ANKS1B: variants seen among roughly 807,000 people sequenced by gnomAD.
ANKS1B encodes the protein ankyrin repeat and sterile alpha motif domain-containing protein 1B.
Under a neutral mutation model 148.3 loss-of-function variants are expected in ANKS1B, and 36 were observed. The observed-to-expected ratio is 0.24, with a 90% CI of 0.19 to 0.32. ANKS1B has a LOEUF of 0.32. Ranked by LOEUF, ANKS1B falls within the 10% of genes least tolerant of loss-of-function variation. The pLI is 1.00. For missense variants in ANKS1B, 1,157 were observed against 1,542.6 expected, an observed-to-expected ratio of 0.75 and a Z score of 4.19; for synonymous variants, 542 against 560.8, an observed-to-expected ratio of 0.97 and a Z score of 0.47.
At chr12:99,647,078 T>A (rs1009845034) in intron 9 of ANKS1B, among the ~76,000 whole-genome samples, 1 of 151,718 alleles carries the variant, frequency 6.6e-6, no homozygotes, top group South Asian at 2.1e-4. Flanking sequence ...AAAAAGAAAA[T>A]GAAAATTATA....
At position 99,246,308 on chromosome 12, in the gene ANKS1B, T is replaced by A. The variant is rs780138504; in HGVS notation, c.2313A>T (p.Glu771Asp). Residue 771 changes from glutamate to aspartate, a missense_variant, in exon 13 of 27, where the codon GAA (glutamate) becomes GAT (aspartate). Transcript: ENST00000683438. ...TAEHSSKGNS[E>D]RTPSFTSEWE... ...ATTCCGATGTGAAGGATGGTGTTCTTTCAGAATTCCCTTTAGAACTGTGTT... is the reference window on the plus strand; with the variant it reads ...ATTCCGATGTGAAGGATGGTGTTCTATCAGAATTCCCTTTAGAACTGTGTT... 2 of 1,602,212 alleles carry A rather than the reference T, an allele frequency of 1.2e-6. No individual in the cohort carries two copies. The highest frequency in any genetic ancestry group is 2.2e-5 in the South Asian group (2 of 88,952).
intron 16 of ANKS1B, among the ~76,000 whole-genome samples, chr12:99,068,022 G>A (rs535234909): frequency 3.3e-5 from 5 of 151,948 alleles, no homozygotes; most frequent in South Asian, 2.1e-4. Context: ...AGTTTTAGTA[G>A]TTATTATTTA....
chr12:99,286,447 A>G (rs1288027720), intron 12 of ANKS1B, among the ~76,000 whole-genome samples: 1 of 152,060 alleles, frequency 6.6e-6, no homozygotes, highest in Non-Finnish European at 1.5e-5. Context: ...ACCCAGGGCC[A>G]CACTGGCTTT....
intron 14 of ANKS1B, among the ~76,000 whole-genome samples, chr12:99,220,456 T>C (rs1566663370): frequency 1.4e-5 from 2 of 147,040 alleles, no homozygotes; most frequent in Admixed American, 1.4e-4. Flanking sequence ...TTTCTTTTTT[T>C]TTTTTTTTTT....
intron 1 of ANKS1B, among the ~76,000 whole-genome samples, chr12:99,834,242 A>G (rs1226722128): frequency 6.6e-6 from 1 of 152,192 alleles, no homozygotes; most frequent in African/African-American, 2.4e-5. Flanking sequence ...AAAATGCAAG[A>G]GTTTCTAGAC....
At chr12:98,868,567 C>T (rs2099637305) in intron 17 of ANKS1B, among the ~76,000 whole-genome samples, 1 of 152,190 alleles carries the variant, frequency 6.6e-6, no homozygotes, top group South Asian at 2.1e-4. Context: ...TGACGAATTG[C>T]CCCCTTTAAA....
At chr12:99,622,065 G>C (rs2098059408) in intron 9 of ANKS1B, among the ~76,000 whole-genome samples, 1 of 151,922 alleles carries the variant, frequency 6.6e-6, no homozygotes, top group Non-Finnish European at 1.5e-5. Context: ...CCATGGACCA[G>C]AGTGGAACAA....
At chr12:98,800,675 G>GATATATATATATAT (rs3049844) in intron 21 of ANKS1B, among the ~76,000 whole-genome samples, 3,416 of 99,584 alleles carry the variant, frequency 0.034, 301 homozygotes, top group African/African-American at 0.05. Flanking sequence ...AGTGAGCAGA[G>GATATATATATATAT]ATATATATAT....
intron 15 of ANKS1B, among the ~76,000 whole-genome samples, chr12:99,149,617 T>G (rs2074291143): frequency 6.6e-6 from 1 of 152,156 alleles, no homozygotes; most frequent in Admixed American, 6.5e-5. Context: ...TCTTCTCCCA[T>G]TTTGATTAGT....
At chr12:98,746,870 A>G (rs2097906284) in intron 26 of ANKS1B, among the ~76,000 whole-genome samples, 1 of 152,226 alleles carries the variant, frequency 6.6e-6, no homozygotes, top group South Asian at 2.1e-4. Flanking sequence ...AATCTATACA[A>G]CAGAATGAAA....
intron 20 of ANKS1B, among the ~76,000 whole-genome samples, chr12:98,803,717 G>A (rs1481096364): frequency 1.3e-5 from 2 of 152,206 alleles, no homozygotes; most frequent in African/African-American, 4.8e-5. Context: ...GGCTGGGGGT[G>A]GGAATGAGTT....
rs185612716 is a variant in ANKS1B at position 98,744,789 on chromosome 12, C to A, written c.*950G>T. 1.4e-4 allele frequency: 137 copies of A among 971,470 alleles called. 2 individuals carry two copies. The East Asian group carries it at 0.012, about 84-fold the overall frequency. The allele number at this position is 971,470 out of a possible 1,614,324, so 60.2% of individuals were successfully genotyped here. On this transcript the variant is annotated 3_prime_UTR_variant, in exon 27 of 27. Transcript: ENST00000683438. Reference sequence around the variant, plus strand: ...ATGACAGAAATCTTGACAGCAGGAGCACTAGATTTTTTTTTTTTTAACATG... The same window carrying A: ...ATGACAGAAATCTTGACAGCAGGAGAACTAGATTTTTTTTTTTTTAACATG...
intron 8 of ANKS1B, among the ~76,000 whole-genome samples, chr12:99,763,514 C>T (rs779107262): frequency 2.6e-5 from 4 of 151,830 alleles, no homozygotes; most frequent in African/African-American, 4.8e-5. Flanking sequence ...GGGTGTAGCA[C>T]GGGAGGAGAG....
chr12:99,932,432 A>G (rs778982368), intron 1 of ANKS1B, among the ~76,000 whole-genome samples: 4 of 152,122 alleles, frequency 2.6e-5, no homozygotes, highest in Non-Finnish European at 5.9e-5. Flanking sequence ...CTTCTACAGC[A>G]TTCATTATTG....
At chr12:98,804,750 G>T (rs1555343416) in intron 20 of ANKS1B, among the ~76,000 whole-genome samples, 1 of 152,138 alleles carries the variant, frequency 6.6e-6, no homozygotes, top group Non-Finnish European at 1.5e-5. Context: ...AAAAAAGAAA[G>T]ATTTTTGCCT....
chr12:98,914,699 G>C (rs2099791804), intron 17 of ANKS1B, among the ~76,000 whole-genome samples: 1 of 151,938 alleles, frequency 6.6e-6, no homozygotes, highest in Non-Finnish European at 1.5e-5. Context: ...TGCATTTGCT[G>C]TTCCTTCTGC....
intron 17 of ANKS1B, among the ~76,000 whole-genome samples, chr12:98,955,649 G>T (rs900043624): frequency 6.6e-6 from 1 of 152,164 alleles, no homozygotes. Context: ...TTTGCTGAAA[G>T]ATTGAATTTG....
intron 15 of ANKS1B, among the ~76,000 whole-genome samples, chr12:99,136,214 G>C (rs1184401174): frequency 1.3e-5 from 2 of 152,202 alleles, no homozygotes; most frequent in Non-Finnish European, 2.9e-5. Context: ...TCAGGACCCA[G>C]GTATGGGGTT....
At chr12:99,528,941 T>C (rs1374554543) in intron 9 of ANKS1B, among the ~76,000 whole-genome samples, 1 of 152,172 alleles carries the variant, frequency 6.6e-6, no homozygotes, top group African/African-American at 2.4e-5. Flanking sequence ...AAAAATTATA[T>C]GTACATGTGA....
Sources: allele counts gnomAD v4.1 joint callset (sites outside exome capture counted in the v4.1 genomes callset), GRCh38; gene constraint gnomAD v4.1.1; transcripts MANE v1.5; gene names NCBI Gene and HGNC (gene_info 2026-07-23, HGNC 2026-07-21).